Variants in DNAJA4 observed in about 807,000 individuals in gnomAD.
The protein encoded by DNAJA4 is DnaJ heat shock protein family (Hsp40) member A4.
In DNAJA4, 32 loss-of-function variants were observed where a neutral mutation model predicts 39.7. The observed-to-expected ratio is 0.81, with a 90% confidence interval of 0.61 to 1.08. The LOEUF is 1.08. Ranked by LOEUF, DNAJA4 falls within the 50% of genes least tolerant of loss-of-function variation. DNAJA4 has a pLI of 0.00. For missense variants in DNAJA4, 439 were observed against 505.1 expected (o/e 0.87, Z 1.25); for synonymous variants, 184 against 182.4 (o/e 1.01, Z -0.07).
At chr15:78,264,990 TG>T in intron 1 of DNAJA4, 95 bp downstream of exon 1, 1 of 1,355,852 alleles carries the variant, frequency 7.4e-7, no homozygotes, top group Non-Finnish European at 9.8e-7. Context: ...GAGCCGCGTT[TG>T]TTGGGGAGGC....
At chr15:78,276,866 TCCCTCCGTGTCCCTCTCCCCCTTC>T (rs2049479221) in intron 5 of DNAJA4, among the ~76,000 whole-genome samples, 1 of 152,198 alleles carries the variant, frequency 6.6e-6, no homozygotes, top group Admixed American at 6.5e-5. Flanking sequence ...GGACTTCTGT[TCCCTCCGTGTCCCTCTCCCCCTTC>T]CCCTCCTTGT....
chr15:78,264,246 C>CGTGGGGG, upstream of DNAJA4: 1 of 924,240 alleles, frequency 1.1e-6, no homozygotes, highest in Non-Finnish European at 1.4e-6. Context: ...AAGGGGGCGG[C>CGTGGGGG]CTCGGGGCGG....
intron 5 of DNAJA4, chr15:78,278,247 C>G (rs1468974316): frequency 2.2e-6 from 1 of 456,066 alleles, no homozygotes; most frequent in Non-Finnish European, 4.4e-6. Context: ...CAGCTCCCAG[C>G]AAGCTAGAAG....
chr15:78,273,251 A>G (rs758451295), intron 3 of DNAJA4, 52 bp downstream of exon 3: 1 of 1,038,382 alleles, frequency 9.6e-7, no homozygotes, highest in Non-Finnish European at 1.5e-6. Flanking sequence ...TTAGATTCAG[A>G]AACAATGCTT....
chr15:78,274,819 T>G (rs1266972453), intron 4 of DNAJA4: 3 of 239,784 alleles, frequency 1.3e-5, no homozygotes, highest in Non-Finnish European at 2.5e-5. Context: ...TGTAAGTGTT[T>G]GTGGCTGCAT....
At chr15:78,266,256 T>C in intron 1 of DNAJA4, 1 of 1,614,034 alleles carries the variant, frequency 6.2e-7, no homozygotes. Context: ...TGGGAAAGCC[T>C]GACCCTGGAT....
chr15:78,278,385 TGTC>T (rs375449050), intron 5 of DNAJA4: 57 of 435,044 alleles, frequency 1.3e-4, no homozygotes, highest in Admixed American at 5.3e-4. Context: ...TGTTTGGCGA[TGTC>T]GTTGTGGTGT....
chr15:78,274,159 G>C, intron 3 of DNAJA4, 38 bp from the exon 4 acceptor site: 2 of 1,589,454 alleles, frequency 1.3e-6, no homozygotes. Context: ...GGTAAGGGAA[G>C]AGCATGGCCC....
chr15:78,268,708 G>A (rs1445881211), intron 1 of DNAJA4, among the ~76,000 whole-genome samples: 2 of 152,120 alleles, frequency 1.3e-5, no homozygotes, highest in Admixed American at 6.5e-5. Flanking sequence ...TCCCAGAATC[G>A]AGCCATTCAT....
rs578060742 is a variant in DNAJA4 at position 78,264,750 on chromosome 15, C to A, written c.-14C>A. The A allele has an allele frequency of 1.5e-5, 24 of 1,571,496 alleles. No individual in the cohort carries two copies. The highest frequency in any genetic ancestry group is 1.9e-5 in the Non-Finnish European group (22 of 1,156,370). ...GCTCTGACCGGCCTCGCCCGCCCCC[C>A]CCGCAGACACAAGATGGTGAAGGAG... On this transcript the variant is annotated 5_prime_UTR_variant, in exon 1 of 7. Coordinates refer to ENST00000394852, the MANE Select transcript of DNAJA4 (RefSeq NM_001130182.2).
intron 1 of DNAJA4, 32 bp from the exon 2 acceptor site, chr15:78,270,465 T>A (rs1186079590): frequency 6.3e-7 from 1 of 1,591,300 alleles, no homozygotes; most frequent in Non-Finnish European, 8.6e-7. Context: ...CTGAAACTTC[T>A]CTAAAAATCT....
At chr15:78,267,463 G>A (rs541287968) in intron 1 of DNAJA4, among the ~76,000 whole-genome samples, 34 of 120,786 alleles carry the variant, frequency 2.8e-4, no homozygotes, top group African/African-American at 1.1e-3. Flanking sequence ...TTCTCTGCGG[G>A]TGTTTTTTTT....
intron 1 of DNAJA4, chr15:78,266,059 A>G (rs2049113849): frequency 3.3e-6 from 2 of 605,608 alleles, no homozygotes; most frequent in South Asian, 4.2e-5. Context: ...TCTGTTACTC[A>G]CTTGCGTTCT....
At chr15:78,264,519 G>A, upstream of DNAJA4, 1 of 1,234,096 alleles carries the variant, frequency 8.1e-7, no homozygotes, top group Non-Finnish European at 1.0e-6. Context: ...GGAAGCTTCC[G>A]CCGGCGCCGA....
intron 1 of DNAJA4, chr15:78,265,331 C>T: frequency 1.6e-6 from 1 of 620,536 alleles, no homozygotes; most frequent in South Asian, 1.9e-5. Context: ...ATGCATAAAC[C>T]CTAGGGATGA....
chr15:78,270,545 A>T lies in DNAJA4; in HGVS notation c.181A>T (p.Arg61Trp). 1 of 1,614,200 alleles carries T rather than the reference A, an allele frequency of 6.2e-7. No homozygotes were observed. The highest frequency in any genetic ancestry group is 8.5e-7 in the Non-Finnish European group (1 of 1,180,030). Residue 61 changes from arginine (R) to tryptophan (W), a missense_variant, in exon 2 of 7, where the codon AGG (arginine) becomes TGG (tryptophan). By Grantham distance (101) the Arg-to-Trp change is moderately radical. Coordinates refer to ENST00000394852, the MANE Select transcript of DNAJA4 (RefSeq NM_001130182.2). Reference sequence around the variant, plus strand: ...TGAAGTGCTTTCAGATCCAAAGAAAAGGGATGTTTATGACCAAGGCGGAGA... The same window carrying T: ...TGAAGTGCTTTCAGATCCAAAGAAATGGGATGTTTATGACCAAGGCGGAGA... ...AYEVLSDPKK[R>W]DVYDQGGEQA...
rs573258935 is a variant in DNAJA4 at position 78,274,306 on chromosome 15, C to G, written c.528C>G (p.Thr176=). Residue 176 remains threonine, a synonymous_variant, in exon 4 of 7, where the codon ACC becomes ACG. Transcript: ENST00000394852. ...IGPGMVQQIQ[T]VCIECKGQGE... ...CGGGCATGGTACAGCAGATCCAGAC[C>G]GTGTGCATCGAGTGCAAGGGCCAGG... 5.0e-6 allele frequency: 8 copies of G among 1,614,134 alleles called. No homozygotes were observed. The highest frequency in any genetic ancestry group is 6.8e-6 in the Non-Finnish European group (8 of 1,180,010).
intron 1 of DNAJA4, chr15:78,266,153 C>CCTA: frequency 7.0e-7 from 1 of 1,432,218 alleles, no homozygotes. Flanking sequence ...CCACCTGCTC[C>CCTA]CTACATTCAT....
intron 1 of DNAJA4, chr15:78,265,788 T>G: frequency 1.6e-6 from 1 of 642,908 alleles, no homozygotes; most frequent in South Asian, 1.8e-5. Context: ...GCATGGGTCT[T>G]GAGAGGTGGG....
Sources: allele counts gnomAD v4.1 joint callset (sites outside exome capture counted in the v4.1 genomes callset), GRCh38; gene constraint gnomAD v4.1.1; transcripts MANE v1.5; gene names NCBI Gene and HGNC (gene_info 2026-07-23, HGNC 2026-07-21).